The following GNG2 variants were observed in gnomAD, a reference collection of about 807,000 sequenced individuals.
GNG2 encodes the protein guanine nucleotide-binding protein G(I)/G(S)/G(O) subunit gamma-2.
GNG2 carries 5 observed loss-of-function variants against 5.5 expected under a neutral mutation model. That is an observed-to-expected ratio of 0.91 (90% CI 0.48 to 1.92). The LOEUF is 1.92. GNG2 is among the 30% of genes most tolerant of loss of function. GNG2 has a pLI of 0.01. For synonymous variants in GNG2, 28 were observed against 32.0 expected (o/e 0.88, Z 0.42); for missense variants, 55 against 88.4 (o/e 0.62, Z 1.52).
At chr14:51,962,353 T>C (rs1251299603) in intron 3 of GNG2, among the ~76,000 whole-genome samples, 1 of 152,192 alleles carries the variant, frequency 6.6e-6, no homozygotes, top group Non-Finnish European at 1.5e-5. Context: ...GCAATGAATA[T>C]AATGTGATTG....
At chr14:51,887,091 G>A (rs1239648699) in intron 2 of GNG2, among the ~76,000 whole-genome samples, 1 of 152,222 alleles carries the variant, frequency 6.6e-6, no homozygotes, top group Non-Finnish European at 1.5e-5. Flanking sequence ...TACAATGGTA[G>A]TATTTGGACA....
At chr14:51,896,687 T>C (rs1388982272) in intron 2 of GNG2, among the ~76,000 whole-genome samples, 1 of 152,146 alleles carries the variant, frequency 6.6e-6, no homozygotes, top group Non-Finnish European at 1.5e-5. Context: ...TAGAAGGGAG[T>C]ATATTTAAGG....
intron 1 of GNG2, chr14:51,861,304 A>C (rs1204842564): frequency 6.6e-6 from 1 of 152,182 alleles, no homozygotes; most frequent in Non-Finnish European, 1.5e-5. Context: ...TGTGAGGGGC[A>C]GTATTTACCA....
intron 2 of GNG2, among the ~76,000 whole-genome samples, chr14:51,845,745 A>G (rs2140080726): frequency 6.6e-6 from 1 of 152,248 alleles, no homozygotes; most frequent in African/African-American, 2.4e-5. Context: ...TCTTGAACCT[A>G]AGATTTTGCA....
At chr14:51,961,259 A>T (rs554960528) in intron 3 of GNG2, among the ~76,000 whole-genome samples, 3 of 152,308 alleles carry the variant, frequency 2.0e-5, no homozygotes, top group Admixed American at 2.0e-4. Context: ...GGAAGTATAG[A>T]ATGCTGTATA....
At chr14:51,923,457 A>G (rs1018615357) in intron 2 of GNG2, among the ~76,000 whole-genome samples, 2 of 152,118 alleles carry the variant, frequency 1.3e-5, no homozygotes, top group African/African-American at 4.8e-5. Context: ...ATATATATAT[A>G]CATGTTTACA....
intron 2 of GNG2, among the ~76,000 whole-genome samples, chr14:51,891,142 A>G (rs1016214636): frequency 2.6e-5 from 4 of 152,190 alleles, no homozygotes; most frequent in Admixed American, 1.3e-4. Context: ...GTTGTCCTCA[A>G]TGATTAGCCT....
rs375619214 is a variant in GNG2, at chr14:51,932,865, A to G, written c.-29-17785A>G. On this transcript the variant is annotated intron_variant, in intron 2 of 3. Coordinates refer to ENST00000556766, the MANE Select transcript of GNG2 (RefSeq NM_053064.5). ...ATGTGATTAAGTTAAAGCTCTGGAT[A>G]TGGAACAGTTATTCTAGATTATCCT... Among the ~76,000 whole-genome samples, 6 of 150,440 alleles carry G rather than the reference A, an allele frequency of 4.0e-5. No individual in the cohort carries two copies. In the South Asian group the frequency reaches 1.3e-3, roughly 32 times the overall value.
chr14:51,937,888 G>A (rs1297027107), intron 2 of GNG2, among the ~76,000 whole-genome samples: 2 of 152,186 alleles, frequency 1.3e-5, no homozygotes, highest in African/African-American at 4.8e-5. Context: ...AGGCCTGAAG[G>A]GGAGAAGGGA....
intron 2 of GNG2, among the ~76,000 whole-genome samples, chr14:51,898,491 A>G (rs1372202934): frequency 1.3e-5 from 2 of 152,340 alleles, no homozygotes; most frequent in East Asian, 3.9e-4. Flanking sequence ...AGATACAAGC[A>G]AGTAACATGA....
In GNG2 at chr14:51,914,300, C is replaced by G. The variant is rs1213393394; in HGVS notation, c.-29-36350C>G. The G allele has an allele frequency of 4.3e-6, 3 of 701,828 alleles. No individual in the cohort carries two copies. The African/African-American group carries it at 5.2e-5, about 12-fold the overall frequency. 43.5% of individuals were successfully genotyped at this position (701,828 alleles called of 1,614,324 possible). ...GTAGAATGGAAAAGGACTGCCGTCT[C>G]AGGCCATTTCATTATGTCTGAAAGA... is the stretch of plus-strand genomic sequence containing the variant. On this transcript the variant is annotated intron_variant, in intron 2 of 3. Transcript: ENST00000556766.
At position 51,873,459 on chromosome 14, in the gene GNG2, A is replaced by G. The variant is rs548750395; in HGVS notation, c.-70-4158A>G. Among the ~76,000 whole-genome samples, 3 of 152,324 alleles carry G rather than the reference A, an allele frequency of 2.0e-5. No homozygotes were observed. In the South Asian group the frequency reaches 6.2e-4, roughly 32 times the overall value. ...CTTCAATTTGCCTACTGCAGGAGAGAGTGAAGGGGTTTCTCAAGAATGCAC... is the reference window on the plus strand; with the variant it reads ...CTTCAATTTGCCTACTGCAGGAGAGGGTGAAGGGGTTTCTCAAGAATGCAC... On this transcript the variant is annotated intron_variant, in intron 1 of 3. Transcript: ENST00000556766.
At chr14:51,872,949 T>G (rs1004355089) in intron 1 of GNG2, among the ~76,000 whole-genome samples, 2 of 152,222 alleles carry the variant, frequency 1.3e-5, no homozygotes, top group Non-Finnish European at 2.9e-5. Flanking sequence ...TTTATAGTTT[T>G]CACTACAGTT....
At chr14:51,864,507 G>A (rs750577361) in intron 1 of GNG2, among the ~76,000 whole-genome samples, 2 of 152,120 alleles carry the variant, frequency 1.3e-5, no homozygotes, top group Non-Finnish European at 2.9e-5. Flanking sequence ...TTATCCCTGC[G>A]TAAATAAAAT....
At chr14:51,881,479 ACTT>A (rs1884064187) in intron 2 of GNG2, among the ~76,000 whole-genome samples, 1 of 152,096 alleles carries the variant, frequency 6.6e-6, no homozygotes, top group Admixed American at 6.6e-5. Context: ...TTTCCCCACT[ACTT>A]CTGCAGTACT....
At chr14:51,866,630 T>G (rs1231943311) in intron 1 of GNG2, among the ~76,000 whole-genome samples, 1 of 152,222 alleles carries the variant, frequency 6.6e-6, no homozygotes, top group African/African-American at 2.4e-5. Flanking sequence ...CTGGCAGATT[T>G]GATGTCTGGC....
intron 2 of GNG2, among the ~76,000 whole-genome samples, chr14:51,927,689 T>A (rs1243656310): frequency 6.6e-6 from 1 of 152,192 alleles, no homozygotes; most frequent in African/African-American, 2.4e-5. Context: ...TAGGCAAGCC[T>A]GAAATCGTTT....
At chr14:51,868,754 G>C (rs1883102603) in intron 1 of GNG2, among the ~76,000 whole-genome samples, 1 of 152,156 alleles carries the variant, frequency 6.6e-6, no homozygotes, top group Admixed American at 6.5e-5. Context: ...TTTCCCTACA[G>C]AAAGCAGCTT....
chr14:51,853,898 C>CTT (rs368774686), intron 2 of GNG2, among the ~76,000 whole-genome samples: 2 of 142,056 alleles, frequency 1.4e-5, no homozygotes, highest in East Asian at 2.0e-4. Flanking sequence ...TTTTTTTTTT[C>CTT]TTTTTTTTTT....
Sources: gnomAD v4.1 joint callset for allele counts (sites outside exome capture counted in the v4.1 genomes callset) on GRCh38, gnomAD v4.1.1 for gene constraint, MANE v1.5 for transcripts, NCBI Gene and HGNC (gene_info 2026-07-23, HGNC 2026-07-21) for gene names.